CENPW: variants seen among roughly 807,000 people sequenced by gnomAD.
CENPW encodes cancer-up-regulated gene 2 protein.
Under a neutral mutation model 11.1 loss-of-function variants are expected in CENPW, and 3 were observed. That is an observed-to-expected ratio of 0.27 (90% confidence interval 0.12 to 0.70). CENPW has a LOEUF of 0.70. Among genes scored for constraint, CENPW ranks in the 30% least tolerant of loss-of-function variants. The pLI, the probability that CENPW is intolerant of heterozygous loss-of-function variation, is 0.77. For missense variants in CENPW, 100 were observed against 105.6 expected (o/e 0.95, Z 0.23); for synonymous variants, 38 against 42.0 (o/e 0.91, Z 0.37).
At chr6:126,402,791 CTAT>C in the CENPW span, among the ~76,000 whole-genome samples, 3 of 151,920 alleles carry the variant, frequency 2.0e-5, no homozygotes, top group Non-Finnish European at 4.4e-5. Flanking sequence ...CTCTTTTTGA[CTAT>C]TATTAATAAT....
the CENPW span, among the ~76,000 whole-genome samples, chr6:126,479,417 ATCT>A: frequency 2.6e-5 from 4 of 151,940 alleles, no homozygotes; most frequent in Non-Finnish European, 4.4e-5. Flanking sequence ...AAGTGAGATC[ATCT>A]TCACCTTCTT....
the CENPW span, among the ~76,000 whole-genome samples, chr6:126,405,419 A>G: frequency 6.6e-6 from 1 of 152,036 alleles, no homozygotes; most frequent in African/African-American, 2.4e-5. Flanking sequence ...TTTGTGGTAT[A>G]TTTTGAAGAC....
intron 2 of CENPW, among the ~76,000 whole-genome samples, chr6:126,347,338 C>A (rs1231838842): frequency 6.6e-6 from 1 of 152,080 alleles, no homozygotes; most frequent in African/African-American, 2.4e-5. Flanking sequence ...TTCCCATGTA[C>A]CCTGTATCCA....
At chr6:126,456,542 C>T in the CENPW span, among the ~76,000 whole-genome samples, 1,970 of 151,638 alleles carry the variant, frequency 0.013, 26 homozygotes, top group Non-Finnish European at 0.022. Flanking sequence ...ACATCATACA[C>T]AAAAATCATC....
chr6:126,455,382 G>A, the CENPW span, among the ~76,000 whole-genome samples: 7 of 150,894 alleles, frequency 4.6e-5, no homozygotes, highest in South Asian at 2.1e-4. Flanking sequence ...GTGGATTTGC[G>A]TCACTTTACT....
chr6:126,443,651 ACTT>A, the CENPW span, among the ~76,000 whole-genome samples: 1 of 151,104 alleles, frequency 6.6e-6, no homozygotes, highest in Admixed American at 6.6e-5. Flanking sequence ...TTCTCCCTGC[ACTT>A]CTTAATAATT....
the CENPW span, among the ~76,000 whole-genome samples, chr6:126,446,500 C>T: frequency 1.3e-5 from 2 of 151,090 alleles, no homozygotes; most frequent in African/African-American, 4.8e-5. Flanking sequence ...TTGAAACAAA[C>T]CAGAAATCCT....
chr6:126,411,627 C>T, the CENPW span, among the ~76,000 whole-genome samples: 4 of 152,046 alleles, frequency 2.6e-5, no homozygotes, highest in Admixed American at 6.6e-5. Context: ...AACTCAGGCC[C>T]GTTGACCAGG....
chr6:126,459,462 A>G, the CENPW span, among the ~76,000 whole-genome samples: 1 of 151,676 alleles, frequency 6.6e-6, no homozygotes, highest in African/African-American at 2.4e-5. Context: ...ATTAGAAAGT[A>G]TCTATTATAG....
chr6:126,423,339 G>A, the CENPW span, among the ~76,000 whole-genome samples: 1 of 152,024 alleles, frequency 6.6e-6, no homozygotes, highest in Non-Finnish European at 1.5e-5. Context: ...ACAGAAAAAA[G>A]CAGAAAAATT....
At chr6:126,402,680 T>A in the CENPW span, among the ~76,000 whole-genome samples, 1 of 152,088 alleles carries the variant, frequency 6.6e-6, no homozygotes, top group Non-Finnish European at 1.5e-5. Flanking sequence ...ATGTAGGATA[T>A]ATCAACACTT....
the CENPW span, among the ~76,000 whole-genome samples, chr6:126,366,160 T>C: frequency 1.3e-5 from 2 of 152,206 alleles, no homozygotes; most frequent in African/African-American, 2.4e-5. Context: ...CTCTAATATA[T>C]GTATAGTATA....
At chr6:126,379,831 A>AT in the CENPW span, among the ~76,000 whole-genome samples, 1 of 152,234 alleles carries the variant, frequency 6.6e-6, no homozygotes, top group African/African-American at 2.4e-5. Context: ...TTCCATGAAA[A>AT]GTATAATCTT....
chr6:126,386,376 A>G, the CENPW span, among the ~76,000 whole-genome samples: 1 of 152,032 alleles, frequency 6.6e-6, no homozygotes, highest in Non-Finnish European at 1.5e-5. Context: ...GCCATGTTCC[A>G]TCCTCGCACC....
At chr6:126,419,303 T>A in the CENPW span, among the ~76,000 whole-genome samples, 1 of 152,094 alleles carries the variant, frequency 6.6e-6, no homozygotes, top group Non-Finnish European at 1.5e-5. Flanking sequence ...CAAACGTTTC[T>A]TTTTTCACAG....
the CENPW span, among the ~76,000 whole-genome samples, chr6:126,408,784 T>G: frequency 3.3e-5 from 5 of 152,268 alleles, no homozygotes; most frequent in African/African-American, 7.2e-5. Context: ...CATAGCCATC[T>G]CTAATAATCC....
chr6:126,428,767 A>G, the CENPW span, among the ~76,000 whole-genome samples: 1 of 152,160 alleles, frequency 6.6e-6, no homozygotes, highest in South Asian at 2.1e-4. Flanking sequence ...TGTAGGACCA[A>G]TCAACTGTGC....
chr6:126,405,204 T>G, the CENPW span, among the ~76,000 whole-genome samples: 1 of 152,114 alleles, frequency 6.6e-6, no homozygotes, highest in Non-Finnish European at 1.5e-5. Flanking sequence ...ATCTAGTTTT[T>G]TCTTCTGCCT....
the CENPW span, among the ~76,000 whole-genome samples, chr6:126,370,974 G>C: frequency 1.3e-5 from 2 of 151,866 alleles, no homozygotes; most frequent in African/African-American, 2.4e-5. Flanking sequence ...CACCATGTTG[G>C]CCAGGCTGGT....
Sources: allele counts gnomAD v4.1 joint callset (sites outside exome capture counted in the v4.1 genomes callset), GRCh38; gene constraint gnomAD v4.1.1; transcripts MANE v1.5; gene names NCBI Gene and HGNC (gene_info 2026-07-23, HGNC 2026-07-21).